Variants in LRRC4C observed in about 807,000 individuals in gnomAD.
LRRC4C encodes the protein leucine rich repeat containing 4C, also known as leucine-rich repeat-containing protein 4C.
A neutral mutation model predicts 33.6 loss-of-function variants in LRRC4C; 5 were observed. The ratio of observed to expected loss-of-function variants is 0.15; its 90% CI spans 0.08 to 0.31. The LOEUF (loss-of-function observed/expected upper bound fraction) is 0.31. LRRC4C is among the 10% of genes least tolerant of loss of function. The pLI, the probability that LRRC4C is intolerant of heterozygous loss-of-function variation, is 1.00. For missense variants in LRRC4C, 560 were observed against 796.7 expected (o/e 0.70, Z 3.58); for synonymous variants, 329 against 302.0 (o/e 1.09, Z -0.93).
intron 1 of LRRC4C, among the ~76,000 whole-genome samples, chr11:41,014,674 C>CA (rs1855453410): frequency 6.6e-6 from 1 of 151,950 alleles, no homozygotes; most frequent in African/African-American, 2.4e-5. Flanking sequence ...TATCCTTGTT[C>CA]AAAAAGGGCT....
chr11:41,303,512 A>G (rs143742818), intron 1 of LRRC4C, among the ~76,000 whole-genome samples: 4 of 125,310 alleles, frequency 3.2e-5, no homozygotes, highest in Admixed American at 2.8e-4. Flanking sequence ...CCGCCACCCC[A>G]TCTGGGAAGT....
At chr11:41,251,309 C>T (rs1565518737) in intron 1 of LRRC4C, among the ~76,000 whole-genome samples, 1 of 152,184 alleles carries the variant, frequency 6.6e-6, no homozygotes, top group African/African-American at 2.4e-5. Context: ...TAAATCTCAT[C>T]ACTAACATCT....
At chr11:41,059,026 A>G (rs1403155713) in intron 1 of LRRC4C, among the ~76,000 whole-genome samples, 1 of 152,076 alleles carries the variant, frequency 6.6e-6, no homozygotes, top group African/African-American at 2.4e-5. Context: ...GACACAAACT[A>G]GGGAACAATA....
chr11:41,361,542 A>C (rs1591352369), intron 1 of LRRC4C, among the ~76,000 whole-genome samples: 2 of 152,340 alleles, frequency 1.3e-5, no homozygotes, highest in East Asian at 3.9e-4. Context: ...AGTTCTAGTC[A>C]CTAATTTTCT....
chr11:40,259,982 G>A (rs1456488536), intron 4 of LRRC4C, among the ~76,000 whole-genome samples: 1 of 146,974 alleles, frequency 6.8e-6, no homozygotes. Flanking sequence ...CAACCATTGT[G>A]GAAGTCAGTG....
chr11:40,551,985 T>C (rs947088633), intron 3 of LRRC4C, among the ~76,000 whole-genome samples: 1 of 152,204 alleles, frequency 6.6e-6, no homozygotes, highest in Non-Finnish European at 1.5e-5. Flanking sequence ...ATCCAATTCA[T>C]TGACATTCTT....
intron 1 of LRRC4C, among the ~76,000 whole-genome samples, chr11:41,304,688 G>T (rs1427059246): frequency 4.4e-5 from 4 of 90,126 alleles, no homozygotes; most frequent in African/African-American, 1.7e-4. Context: ...TCAGCCCCCC[G>T]CCCGGCCAGC....
chr11:41,091,819 C>T (rs1940440030), intron 1 of LRRC4C, among the ~76,000 whole-genome samples: 2 of 152,076 alleles, frequency 1.3e-5, no homozygotes, highest in South Asian at 4.1e-4. Context: ...TTAAGTTGGA[C>T]CAATGTCCTG....
chr11:40,503,254 C>T (rs1239631831), intron 3 of LRRC4C, among the ~76,000 whole-genome samples: 1 of 152,208 alleles, frequency 6.6e-6, no homozygotes, highest in African/African-American at 2.4e-5. Flanking sequence ...AGAATTACTT[C>T]TTTAATTTCA....
At chr11:40,402,243 T>C (rs1308776205) in intron 3 of LRRC4C, among the ~76,000 whole-genome samples, 1 of 152,172 alleles carries the variant, frequency 6.6e-6, no homozygotes, top group Non-Finnish European at 1.5e-5. Context: ...TTTGCCATTG[T>C]AAACAAAAGT....
chr11:41,123,578 T>C (rs374544246), intron 1 of LRRC4C, among the ~76,000 whole-genome samples: 131 of 152,196 alleles, frequency 8.6e-4, no homozygotes, highest in African/African-American at 3.1e-3. Context: ...GGCCTTTTTT[T>C]TCTTTTTTTA....
intron 1 of LRRC4C, among the ~76,000 whole-genome samples, chr11:41,127,029 G>C (rs1429117971): frequency 1.3e-5 from 2 of 152,124 alleles, no homozygotes; most frequent in African/African-American, 4.8e-5. Context: ...GTAGTATTTT[G>C]CATTCCATCT....
chr11:40,378,108 A>G (rs142453803), intron 3 of LRRC4C, among the ~76,000 whole-genome samples: 1 of 152,154 alleles, frequency 6.6e-6, no homozygotes, highest in East Asian at 1.9e-4. Flanking sequence ...TGAGCATTAT[A>G]CTCTAAATTC....
intron 3 of LRRC4C, among the ~76,000 whole-genome samples, chr11:40,451,702 A>C (rs1432451466): frequency 1.3e-5 from 2 of 152,066 alleles, no homozygotes; most frequent in Non-Finnish European, 2.9e-5. Flanking sequence ...ATTTTGAGGG[A>C]AAACTATGAA....
At chr11:40,825,585 G>C (rs2135502086) in intron 2 of LRRC4C, among the ~76,000 whole-genome samples, 1 of 152,120 alleles carries the variant, frequency 6.6e-6, no homozygotes, top group Middle Eastern at 3.4e-3. Context: ...CCAGTGTAAT[G>C]TGTAATCAAC....
chr11:40,425,961 A>T (rs1950696104), intron 3 of LRRC4C, among the ~76,000 whole-genome samples: 1 of 151,776 alleles, frequency 6.6e-6, no homozygotes, highest in South Asian at 2.1e-4. Context: ...CTCTATGCTA[A>T]GTACTGTATA....
At chr11:41,057,294 T>C (rs1858697906) in intron 1 of LRRC4C, among the ~76,000 whole-genome samples, 2 of 152,276 alleles carry the variant, frequency 1.3e-5, no homozygotes, top group Middle Eastern at 3.4e-3. Flanking sequence ...GAAACACCAG[T>C]CCCTTGCCGC....
chr11:41,117,448 T>G (rs747541947), intron 1 of LRRC4C, among the ~76,000 whole-genome samples: 1 of 152,182 alleles, frequency 6.6e-6, no homozygotes, highest in African/African-American at 2.4e-5. Context: ...GAAAATAGCT[T>G]AATACAAATG....
chr11:40,330,635 G>A (rs1185925861), intron 3 of LRRC4C, among the ~76,000 whole-genome samples: 2 of 152,074 alleles, frequency 1.3e-5, no homozygotes, highest in African/African-American at 2.4e-5. Flanking sequence ...TTCACAGGGT[G>A]GCAGGAGACA....
Sources: allele counts gnomAD v4.1 joint callset (sites outside exome capture counted in the v4.1 genomes callset), GRCh38; gene constraint gnomAD v4.1.1; transcripts MANE v1.5; gene names NCBI Gene and HGNC (gene_info 2026-07-23, HGNC 2026-07-21).